The following VAV2 variants were observed in gnomAD, a reference collection of about 807,000 sequenced individuals.
VAV2 encodes the protein vav guanine nucleotide exchange factor 2, also known as guanine nucleotide exchange factor VAV2.
A neutral mutation model predicts 132.5 loss-of-function variants in VAV2; 67 were observed. The ratio of observed to expected loss-of-function variants is 0.51; its 90% CI spans 0.42 to 0.62. The LOEUF (loss-of-function observed/expected upper bound fraction) is 0.62, where lower values mean the gene tolerates loss of function less well. VAV2 is among the 20% of genes least tolerant of loss of function. The pLI, the probability that VAV2 is intolerant of heterozygous loss-of-function variation, is 0.00. For synonymous variants in VAV2, 492 were observed against 443.5 expected, an observed-to-expected ratio of 1.11 and a Z score of -1.37; for missense variants, 938 against 1,153.6, an observed-to-expected ratio of 0.81 and a Z score of 2.71.
At chr9:133,898,013 G>A (rs1295042984) in intron 2 of VAV2, among the ~76,000 whole-genome samples, 1 of 152,128 alleles carries the variant, frequency 6.6e-6, no homozygotes, top group Admixed American at 6.5e-5. Context: ...AGGGCTTAGG[G>A]ACACTCTGCC....
At chr9:133,810,857 C>G (rs1835332243) in intron 5 of VAV2, among the ~76,000 whole-genome samples, 1 of 152,250 alleles carries the variant, frequency 6.6e-6, no homozygotes, top group South Asian at 2.1e-4. Flanking sequence ...CCCACACAAC[C>G]TCACAGGCAA....
intron 1 of VAV2, among the ~76,000 whole-genome samples, chr9:133,987,001 A>G (rs1236466973): frequency 6.7e-6 from 1 of 149,048 alleles, no homozygotes; most frequent in African/African-American, 2.4e-5. Context: ...TATTATTATT[A>G]TATTTATTTA....
chr9:133,778,960 A>AG (rs1178854838), intron 21 of VAV2, 71 bp from the exon 22 acceptor site: 1 of 1,572,626 alleles, frequency 6.4e-7, no homozygotes, highest in Non-Finnish European at 8.6e-7. Flanking sequence ...CCCGGCCCGC[A>AG]GCCCACCCCA....
At chr9:133,893,278 T>G (rs1839053243) in intron 2 of VAV2, among the ~76,000 whole-genome samples, 1 of 149,604 alleles carries the variant, frequency 6.7e-6, no homozygotes, top group Non-Finnish European at 1.5e-5. Context: ...GGGTGGAGGG[T>G]GGAGAGGGCT....
intron 4 of VAV2, among the ~76,000 whole-genome samples, chr9:133,816,294 T>C (rs373773376): frequency 6.6e-6 from 1 of 152,348 alleles, no homozygotes; most frequent in East Asian, 1.9e-4. Flanking sequence ...CTTAATGATA[T>C]TCAAGCATTC....
intron 1 of VAV2, among the ~76,000 whole-genome samples, chr9:133,976,978 G>A (rs1345171684): frequency 6.6e-6 from 1 of 152,196 alleles, no homozygotes; most frequent in Non-Finnish European, 1.5e-5. Context: ...CCTGTGCCTG[G>A]ACACCCCAAG....
At chr9:133,781,239 G>A (rs894625479) in intron 19 of VAV2, among the ~76,000 whole-genome samples, 3 of 152,216 alleles carry the variant, frequency 2.0e-5, no homozygotes, top group South Asian at 2.1e-4. Context: ...GTGCCAACAC[G>A]CTCAAGGACA....
chr9:133,766,765 T>A (rs866361090), intron 29 of VAV2, among the ~76,000 whole-genome samples: 16 of 125,942 alleles, frequency 1.3e-4, no homozygotes, highest in Non-Finnish European at 2.0e-4. Context: ...AATAAATATA[T>A]ATATATATAT....
At chr9:133,815,977 C>A (rs1835544214) in intron 4 of VAV2, among the ~76,000 whole-genome samples, 1 of 152,230 alleles carries the variant, frequency 6.6e-6, no homozygotes, top group South Asian at 2.1e-4. Flanking sequence ...CCAGCCCCAG[C>A]TGCGCCACAT....
chr9:133,932,393 C>T (rs1353313234), intron 2 of VAV2, among the ~76,000 whole-genome samples: 1 of 152,240 alleles, frequency 6.6e-6, no homozygotes, highest in Non-Finnish European at 1.5e-5. Context: ...GCACAGGAAG[C>T]CGGACACAAC....
intron 9 of VAV2, among the ~76,000 whole-genome samples, chr9:133,803,308 G>C (rs1156247495): frequency 6.6e-6 from 1 of 152,174 alleles, no homozygotes; most frequent in Non-Finnish European, 1.5e-5. Flanking sequence ...TTGAAAGCCA[G>C]TTCGTGGCCT....
intron 3 of VAV2, among the ~76,000 whole-genome samples, chr9:133,839,779 G>C (rs1475270504): frequency 2.0e-5 from 3 of 152,216 alleles, no homozygotes; most frequent in Non-Finnish European, 2.9e-5. Flanking sequence ...AGGAGAGCTT[G>C]TAAGAGATCA....
chr9:133,946,569 T>C (rs1466644436), intron 1 of VAV2, among the ~76,000 whole-genome samples: 1 of 152,184 alleles, frequency 6.6e-6, no homozygotes, highest in Non-Finnish European at 1.5e-5. Context: ...CTTCAACAAG[T>C]GTCACTAACA....
intron 29 of VAV2, among the ~76,000 whole-genome samples, chr9:133,764,784 T>A (rs1833381390): frequency 6.6e-6 from 1 of 152,130 alleles, no homozygotes; most frequent in African/African-American, 2.4e-5. Context: ...AGTTCTAACA[T>A]CCTTGTGAAT....
chr9:133,766,049 T>C (rs1833420677), intron 29 of VAV2, among the ~76,000 whole-genome samples: 1 of 152,172 alleles, frequency 6.6e-6, no homozygotes. Context: ...ATAGCAGATA[T>C]GCTTTAAAAA....
chr9:133,774,590 G>A (rs1833746320), intron 25 of VAV2, among the ~76,000 whole-genome samples: 1 of 152,174 alleles, frequency 6.6e-6, no homozygotes, highest in African/African-American at 2.4e-5. Flanking sequence ...TCAACCTGTG[G>A]GGCTGCTGGG....
rs1488229094 is a variant in VAV2, at chr9:133,789,333, A to C, written c.1199T>G (p.Leu400Arg). 1 of 1,613,686 alleles carries C rather than the reference A, an allele frequency of 6.2e-7. No individual in the cohort carries two copies. Among genetic ancestry groups the C allele is most frequent in the South Asian group, 1.1e-5 (1 of 91,078 alleles). Residue 400 changes from leucine (L) to arginine (R), a missense_variant, in exon 14 of 30, where the codon CTG (leucine) becomes CGG (arginine). Physicochemically the swap from Leu to Arg is moderately radical, Grantham distance 102. Transcript: ENST00000371850. ...QSSIENLQVK[L>R]EEFGRPKIDG... ...AATCTTTGGTCTTCCAAATTCCTCC[A>C]GTTTCACTTGCTGGGAAGAAGGAGA...
At chr9:133,805,776 G>A (rs1281961144) in intron 9 of VAV2, among the ~76,000 whole-genome samples, 4 of 152,222 alleles carry the variant, frequency 2.6e-5, no homozygotes, top group Admixed American at 6.5e-5. Context: ...GTGGGGGCCC[G>A]AGATCTCCGC....
intron 1 of VAV2, among the ~76,000 whole-genome samples, chr9:133,980,980 C>T (rs1253344094): frequency 6.6e-6 from 1 of 152,198 alleles, no homozygotes; most frequent in South Asian, 2.1e-4. Flanking sequence ...TCCGCCATCA[C>T]CCTGCCCCCA....
Sources: allele counts gnomAD v4.1 joint callset (sites outside exome capture counted in the v4.1 genomes callset), GRCh38; gene constraint gnomAD v4.1.1; transcripts MANE v1.5; gene names NCBI Gene and HGNC (gene_info 2026-07-23, HGNC 2026-07-21).